DOCK2: variants seen among roughly 807,000 people sequenced by gnomAD.
DOCK2 encodes the protein dedicator of cytokinesis protein 2.
In DOCK2, 87 loss-of-function variants were observed where a neutral mutation model predicts 248.9. That is an observed-to-expected ratio of 0.35 (90% CI 0.29 to 0.42). DOCK2 has a LOEUF of 0.42. Ranked by LOEUF, DOCK2 falls within the 10% of genes least tolerant of loss-of-function variation. The pLI is 1.00. For missense variants in DOCK2, 1,747 were observed against 2,300.2 expected, an observed-to-expected ratio of 0.76 and a Z score of 4.92; for synonymous variants, 805 against 821.6, an observed-to-expected ratio of 0.98 and a Z score of 0.35.
chr5:169,795,438 G>A (rs142231601), intron 25 of DOCK2, among the ~76,000 whole-genome samples: 1 of 152,160 alleles, frequency 6.6e-6, no homozygotes, highest in Non-Finnish European at 1.5e-5. Context: ...AGGGCTGCAG[G>A]TGATGATTCT....
chr5:169,717,561 G>A, intron 21 of DOCK2, 77 bp downstream of exon 21: 1 of 1,363,032 alleles, frequency 7.3e-7, no homozygotes, highest in Non-Finnish European at 1.0e-6. Flanking sequence ...ACAGGAACTT[G>A]AGTAATTTTC....
rs766282518 is a variant in DOCK2 at position 169,637,420 on chromosome 5, G to GC, written c.43+53dup. The GC allele has an allele frequency of 1.5e-5, 20 of 1,309,926 alleles. No homozygotes were observed. The South Asian group carries it at 4.3e-4, about 28-fold the overall frequency. 81.1% of individuals were successfully genotyped at this position (1,309,926 alleles called of 1,614,324 possible). Reference sequence around the variant, plus strand: ...AGGGAGCGGGACAGGTGGCGGGAGAGCCGCGAGCAGGAGGATGCTGCGGGG... The same window carrying GC: ...AGGGAGCGGGACAGGTGGCGGGAGAGCCCGCGAGCAGGAGGATGCTGCGGGG... On this transcript the variant is annotated intron_variant, in intron 1 of 51. Transcript: ENST00000520908.
intron 27 of DOCK2, among the ~76,000 whole-genome samples, chr5:169,982,507 A>G (rs961555128): frequency 1.3e-5 from 2 of 152,100 alleles, no homozygotes; most frequent in East Asian, 1.9e-4. Context: ...TCTCATGATT[A>G]ATCTCGCTTT....
At position 170,069,289 on chromosome 5, in the gene DOCK2, C is replaced by T. The variant is rs937282648; in HGVS notation, c.4728+69C>T. On this transcript the variant is annotated intron_variant, in intron 46 of 51. Transcript: ENST00000520908. ...TCCCCCCACCGTGGTTCACTTGCCC[C>T]ACGCTAGGCTCTAGCTGAGGCAGCC... is the stretch of plus-strand genomic sequence containing the variant. 76 of 1,530,904 alleles carry T rather than the reference C, an allele frequency of 5.0e-5. 2 individuals are homozygous for T. The South Asian group carries it at 8.7e-4, about 17-fold the overall frequency. The allele number at this position is 1,530,904 out of a possible 1,614,324, so 94.8% of individuals were successfully genotyped here. A position where few individuals can be genotyped will look rare whatever the true frequency, so the allele number is the denominator to read the frequency against.
intron 22 of DOCK2, among the ~76,000 whole-genome samples, chr5:169,729,332 T>C (rs1438343024): frequency 6.6e-6 from 1 of 152,216 alleles, no homozygotes; most frequent in African/African-American, 2.4e-5. Flanking sequence ...AGAATTTGTT[T>C]CCTTAGTAGA....
chr5:169,978,669 A>C (rs1777825880), intron 27 of DOCK2, among the ~76,000 whole-genome samples: 1 of 151,970 alleles, frequency 6.6e-6, no homozygotes, highest in South Asian at 2.1e-4. Flanking sequence ...TTTCCTTTGG[A>C]GCTTCCAAGT....
intron 27 of DOCK2, among the ~76,000 whole-genome samples, chr5:169,943,297 G>A (rs539346863): frequency 4.1e-4 from 62 of 152,218 alleles, no homozygotes; most frequent in Middle Eastern, 3.4e-3. Flanking sequence ...TTATCTTGAG[G>A]AATAAGCAGT....
At chr5:169,890,860 T>G (rs1299157821) in intron 27 of DOCK2, among the ~76,000 whole-genome samples, 1 of 152,152 alleles carries the variant, frequency 6.6e-6, no homozygotes, top group Non-Finnish European at 1.5e-5. Context: ...ACTGTGAGTG[T>G]CCCCCTCTCT....
At chr5:170,011,000 A>G (rs1263456232) in intron 32 of DOCK2, among the ~76,000 whole-genome samples, 1 of 152,248 alleles carries the variant, frequency 6.6e-6, no homozygotes, top group East Asian at 1.9e-4. Flanking sequence ...GTTACCAAAT[A>G]TTCCACCTGC....
intron 38 of DOCK2, among the ~76,000 whole-genome samples, chr5:170,043,489 T>A (rs1262078695): frequency 6.6e-6 from 1 of 152,190 alleles, no homozygotes; most frequent in Non-Finnish European, 1.5e-5. Context: ...CCTCTTACAG[T>A]TCATCAGGAC....
intron 25 of DOCK2, among the ~76,000 whole-genome samples, chr5:169,795,978 A>G (rs1353256689): frequency 6.6e-6 from 1 of 152,182 alleles, no homozygotes; most frequent in Non-Finnish European, 1.5e-5. Context: ...AATGAATTTC[A>G]CCTTAAAGTC....
At position 169,740,934 on chromosome 5, in the gene DOCK2, C is replaced by T. The variant is rs749922057; in HGVS notation, c.2268-6462C>T. On this transcript the variant is annotated intron_variant, in intron 22 of 51. Transcript: ENST00000520908. Reference sequence around the variant, plus strand: ...CACTGCAACCTTGACTTCCTGGGCTCGGGCGATCCTCCAGCCTCAGCCTCC... The same window carrying T: ...CACTGCAACCTTGACTTCCTGGGCTTGGGCGATCCTCCAGCCTCAGCCTCC... 7.2e-5 allele frequency among the ~76,000 whole-genome samples: 11 copies of T among 152,114 alleles called. No individual in the cohort carries two copies. The East Asian group carries it at 9.6e-4, about 13-fold the overall frequency.
Position 169,944,009 on chromosome 5 carries a change from A to G in DOCK2, c.2800-39059A>G, listed in dbSNP as rs545913171. Among the ~76,000 whole-genome samples, 3 of 152,352 alleles carry G rather than the reference A, an allele frequency of 2.0e-5. No individual in the cohort carries two copies. The South Asian group carries it at 6.2e-4, about 32-fold the overall frequency. On this transcript the variant is annotated intron_variant, in intron 27 of 51. Coordinates refer to ENST00000520908, the MANE Select transcript of DOCK2 (RefSeq NM_004946.3). ...GCTAATAGCATGGTGTGACTCTATAATTCTCCAGGTCTGTGGACTAAGAAT... is the reference window on the plus strand; with the variant it reads ...GCTAATAGCATGGTGTGACTCTATAGTTCTCCAGGTCTGTGGACTAAGAAT...
chr5:169,931,191 G>A (rs1462109847), intron 27 of DOCK2, among the ~76,000 whole-genome samples: 1 of 152,206 alleles, frequency 6.6e-6, no homozygotes, highest in Admixed American at 6.5e-5. Flanking sequence ...CCTTCCTACA[G>A]AGCCCAGCTC....
chr5:170,055,634 G>A lies in DOCK2; in HGVS notation c.4295+248G>A, dbSNP rs546308492. Among the ~76,000 whole-genome samples the A allele has an allele frequency of 2.6e-5, 4 of 152,346 alleles. No individual in the cohort carries two copies. In the East Asian group the frequency reaches 5.8e-4, roughly 22 times the overall value. On this transcript the variant is annotated intron_variant, in intron 42 of 51. Transcript: ENST00000520908. Reference sequence around the variant, plus strand: ...GCTCAGCAAATCCTCAGCAAGCATCGAGCATTTGCTCAACTGGATGCAGTC... The same window carrying A: ...GCTCAGCAAATCCTCAGCAAGCATCAAGCATTTGCTCAACTGGATGCAGTC...
chr5:169,656,776 G>A (rs1260057216), intron 2 of DOCK2, among the ~76,000 whole-genome samples: 2 of 152,172 alleles, frequency 1.3e-5, no homozygotes, highest in Non-Finnish European at 2.9e-5. Flanking sequence ...GAAAGCTTGA[G>A]GGAATAAACC....
intron 32 of DOCK2, among the ~76,000 whole-genome samples, chr5:170,016,739 G>A (rs964115379): frequency 9.2e-5 from 14 of 152,274 alleles, no homozygotes; most frequent in Non-Finnish European, 2.1e-4. Flanking sequence ...TCTCCATTCC[G>A]TGGTGGCTTA....
At chr5:169,817,907 T>G (rs1468475223) in intron 26 of DOCK2, among the ~76,000 whole-genome samples, 2 of 152,264 alleles carry the variant, frequency 1.3e-5, no homozygotes, top group Non-Finnish European at 2.9e-5. Context: ...AAGAAATACA[T>G]GCTGACACTA....
intron 33 of DOCK2, among the ~76,000 whole-genome samples, chr5:170,019,417 G>T (rs573367265): frequency 6.6e-6 from 1 of 152,044 alleles, no homozygotes; most frequent in Non-Finnish European, 1.5e-5. Flanking sequence ...GGGCCCACCC[G>T]TCCCACCTGT....
Sources: gnomAD v4.1 joint callset for allele counts (sites outside exome capture counted in the v4.1 genomes callset) on GRCh38, gnomAD v4.1.1 for gene constraint, MANE v1.5 for transcripts, NCBI Gene and HGNC (gene_info 2026-07-23, HGNC 2026-07-21) for gene names.